Variants in NR3C1 observed in about 807,000 individuals in gnomAD.
The protein encoded by NR3C1 is nuclear receptor subfamily 3 group C member 1.
NR3C1 carries 14 observed loss-of-function variants against 74.0 expected under a neutral mutation model. The ratio of observed to expected loss-of-function variants is 0.19; its 90% CI spans 0.12 to 0.30. The LOEUF (loss-of-function observed/expected upper bound fraction) is 0.30. Ranked by LOEUF, NR3C1 falls within the 10% of genes least tolerant of loss-of-function variation. The pLI is 1.00. For synonymous variants in NR3C1, 308 were observed against 332.5 expected (o/e 0.93, Z 0.80); for missense variants, 695 against 909.8 (o/e 0.76, Z 3.04).
intron 1 of NR3C1, among the ~76,000 whole-genome samples, chr5:143,413,476 A>G (rs941428982): frequency 6.6e-6 from 1 of 152,174 alleles, no homozygotes; most frequent in Admixed American, 6.5e-5. Flanking sequence ...GTTTAATTTC[A>G]GGAGGCATGA....
intron 1 of NR3C1, among the ~76,000 whole-genome samples, chr5:143,418,702 C>T (rs535660142): frequency 3.1e-4 from 47 of 152,248 alleles, no homozygotes; most frequent in African/African-American, 1.1e-3. Flanking sequence ...CAGAATGAGA[C>T]TTAAAGGGTA....
At chr5:143,293,863 T>C in intron 7 of NR3C1, 2 of 963,954 alleles carry the variant, frequency 2.1e-6, no homozygotes, top group East Asian at 1.1e-4. Flanking sequence ...TTGAAACCAT[T>C]CTTTTTTTTT....
At chr5:143,381,168 T>G (rs1836157816) in intron 2 of NR3C1, among the ~76,000 whole-genome samples, 1 of 151,228 alleles carries the variant, frequency 6.6e-6, no homozygotes, top group African/African-American at 2.4e-5. Flanking sequence ...AAAAAAGAAA[T>G]CAGAAAGTAA....
chr5:143,281,232 T>C lies in NR3C1; in HGVS notation c.*657A>G, dbSNP rs1456609787. On this transcript the variant is annotated 3_prime_UTR_variant, in exon 9 of 9. Coordinates refer to ENST00000394464, the MANE Select transcript of NR3C1 (RefSeq NM_000176.3). ...CACCAACCCATTTTCACACAGATGA[T>C]TGATTAATGTTTAGAGTTTATTTGG... 2.6e-5 allele frequency: 4 copies of C among 151,752 alleles called. No homozygotes were observed. The highest frequency in any genetic ancestry group is 1.9e-4 in the East Asian group (1 of 5,166). 9.4% of individuals were successfully genotyped at this position (151,752 alleles called of 1,614,324 possible). A position where few individuals can be genotyped will look rare whatever the true frequency, so the allele number is the denominator to read the frequency against.
intron 7 of NR3C1, among the ~76,000 whole-genome samples, chr5:143,284,977 C>T (rs187138293): frequency 3.6e-4 from 54 of 150,708 alleles, no homozygotes; most frequent in South Asian, 1.7e-3. Context: ...CTACTGGAAA[C>T]GAAGGAGGTA....
chr5:143,395,453 T>C (rs1280401838), intron 2 of NR3C1, among the ~76,000 whole-genome samples: 3 of 151,882 alleles, frequency 2.0e-5, no homozygotes, highest in Non-Finnish European at 4.4e-5. Context: ...AATGTATATT[T>C]TCCATGACTC....
intron 2 of NR3C1, among the ~76,000 whole-genome samples, chr5:143,320,081 A>G (rs1043387647): frequency 9.2e-5 from 14 of 152,224 alleles, no homozygotes; most frequent in Non-Finnish European, 1.9e-4. Context: ...ATTAGGAAAA[A>G]TGTAAATACT....
chr5:143,396,277 T>C (rs1839167700), intron 2 of NR3C1, among the ~76,000 whole-genome samples: 1 of 151,800 alleles, frequency 6.6e-6, no homozygotes, highest in African/African-American at 2.4e-5. Flanking sequence ...ATTTAAAAAA[T>C]AAGATTCTCA....
At chr5:143,332,045 C>T (rs1826063697) in intron 2 of NR3C1, among the ~76,000 whole-genome samples, 1 of 152,114 alleles carries the variant, frequency 6.6e-6, no homozygotes, top group African/African-American at 2.4e-5. Flanking sequence ...AATTAGAACA[C>T]AAAACATCTA....
intron 2 of NR3C1, among the ~76,000 whole-genome samples, chr5:143,388,376 A>G (rs1266364475): frequency 6.6e-6 from 1 of 152,224 alleles, no homozygotes; most frequent in African/African-American, 2.4e-5. Flanking sequence ...GATTAGAAAT[A>G]TAATCCATTC....
exon 1 of NR3C1, chr5:143,434,958 C>A: frequency 2.6e-6 from 2 of 767,584 alleles, no homozygotes; most frequent in Non-Finnish European, 3.2e-6. Flanking sequence ...TCGGGTATAA[C>A]TTTTTTTTTT....
chr5:143,373,508 T>C (rs957520235), intron 2 of NR3C1, among the ~76,000 whole-genome samples: 5 of 151,982 alleles, frequency 3.3e-5, no homozygotes, highest in African/African-American at 1.2e-4. Context: ...AAATACCCAG[T>C]GTAAATGACG....
At position 143,403,272 on chromosome 5, in the gene NR3C1, A is replaced by G. The variant is rs2151948562; in HGVS notation, c.-75T>C. The G allele has an allele frequency of 1.0e-6, 1 of 985,528 alleles. No homozygotes were observed. Among genetic ancestry groups the G allele is most frequent in the African/African-American group, 1.7e-5 (1 of 57,336 alleles). The allele number at this position is 985,528 out of a possible 1,614,324, so 61.0% of individuals were successfully genotyped here. ...AGTTCCCGCCGCAGCCGAGATAAAC[A>G]ACTTAGCTTGTGAACGCAGAAGGAG... On this transcript the variant is annotated 5_prime_UTR_variant, in exon 1 of 9. Coordinates refer to ENST00000394464, the MANE Select transcript of NR3C1 (RefSeq NM_000176.3).
At chr5:143,420,252 A>T (rs975873993) in intron 1 of NR3C1, among the ~76,000 whole-genome samples, 3 of 152,312 alleles carry the variant, frequency 2.0e-5, no homozygotes, top group East Asian at 1.9e-4. Context: ...TCAGTTTAGG[A>T]GATGACAGGA....
At position 143,403,367 on chromosome 5, in the gene NR3C1, G is replaced by C; in HGVS notation, c.-170C>G. 1 of 985,482 alleles carries C rather than the reference G, an allele frequency of 1.0e-6. No homozygotes were observed. Among genetic ancestry groups the C allele is most frequent in the Non-Finnish European group, 1.2e-6 (1 of 829,978 alleles). 61.0% of individuals were successfully genotyped at this position (985,482 alleles called of 1,614,324 possible). ...AGCCGCCCCTTTCTCCATGGGTGGG[G>C]GGAGAGCCCCTATTTAAGAAAGTCT... On this transcript the variant is annotated 5_prime_UTR_variant, in exon 1 of 9. Transcript: ENST00000394464.
In NR3C1 at chr5:143,281,696, G is replaced by C; in HGVS notation, c.*193C>G. 1 of 575,820 alleles carries C rather than the reference G, an allele frequency of 1.7e-6. No homozygotes were observed. Among genetic ancestry groups the C allele is most frequent in the Non-Finnish European group, 3.1e-6 (1 of 325,990 alleles). 35.7% of individuals were successfully genotyped at this position (575,820 alleles called of 1,614,324 possible). A position where few individuals can be genotyped will look rare whatever the true frequency, so the allele number is the denominator to read the frequency against. On this transcript the variant is annotated 3_prime_UTR_variant, in exon 9 of 9. Coordinates refer to ENST00000394464, the MANE Select transcript of NR3C1 (RefSeq NM_000176.3). Reference sequence around the variant, plus strand: ...ATCTACTCTCCCATCACTGAAAAGTGATGACGACTCAACTGCTTCTGTTGC... The same window carrying C: ...ATCTACTCTCCCATCACTGAAAAGTCATGACGACTCAACTGCTTCTGTTGC...
At chr5:143,317,166 T>C (rs1822304459) in intron 2 of NR3C1, among the ~76,000 whole-genome samples, 1 of 152,082 alleles carries the variant, frequency 6.6e-6, no homozygotes, top group African/African-American at 2.4e-5. Flanking sequence ...TTGGAAAAAA[T>C]GGATGAATGC....
chr5:143,403,712 C>T (rs557709176), upstream of NR3C1: 15 of 985,292 alleles, frequency 1.5e-5, no homozygotes, highest in South Asian at 4.7e-5. Flanking sequence ...CACTCGCACA[C>T]ACGCGCTCCC....
rs539322090 is a variant in NR3C1, at chr5:143,284,015, G to A, written c.2024-1290C>T. 1.6e-3 allele frequency among the ~76,000 whole-genome samples: 247 copies of A among 152,278 alleles called. 2 individuals are homozygous for A. Among genetic ancestry groups the A allele is most frequent in the Middle Eastern group, 0.01 (3 of 294 alleles). Reference sequence around the variant, plus strand: ...CCCAAACTGAAACTTCACTGCTGCTGACATTTTTAGAAGATGCTGGTATAG... The same window carrying A: ...CCCAAACTGAAACTTCACTGCTGCTAACATTTTTAGAAGATGCTGGTATAG... On this transcript the variant is annotated intron_variant, in intron 7 of 8. Transcript: ENST00000394464.
Sources: allele counts gnomAD v4.1 joint callset (sites outside exome capture counted in the v4.1 genomes callset), GRCh38; gene constraint gnomAD v4.1.1; transcripts MANE v1.5; gene names NCBI Gene and HGNC (gene_info 2026-07-23, HGNC 2026-07-21).